HDAC9: variants seen among roughly 807,000 people sequenced by gnomAD.
The protein encoded by HDAC9 is MEF-2 interacting transcription repressor (MITR) protein.
HDAC9 carries 41 observed loss-of-function variants against 139.4 expected under a neutral mutation model. The ratio of observed to expected loss-of-function variants is 0.29; its 90% CI spans 0.23 to 0.38. The LOEUF (loss-of-function observed/expected upper bound fraction) is 0.38, where lower values mean the gene tolerates loss of function less well. HDAC9 is among the 10% of genes least tolerant of loss of function. HDAC9 has a pLI of 1.00. For missense variants in HDAC9, 1,147 were observed against 1,297.0 expected (o/e 0.88, Z 1.78); for synonymous variants, 517 against 476.2 (o/e 1.09, Z -1.12).
chr7:18,233,935 G>C (rs1256548171), intron 2 of HDAC9, among the ~76,000 whole-genome samples: 1 of 151,572 alleles, frequency 6.6e-6, no homozygotes, highest in South Asian at 2.1e-4. Flanking sequence ...TTTTTCTTAA[G>C]TTTGGTCTTC....
At chr7:18,313,065 C>A (rs1799417562) in intron 1 of HDAC9, among the ~76,000 whole-genome samples, 1 of 152,078 alleles carries the variant, frequency 6.6e-6, no homozygotes, top group African/African-American at 2.4e-5. Flanking sequence ...TTACCTATTC[C>A]TTTGTCCTAT....
At chr7:18,713,556 A>G (rs558243882) in intron 12 of HDAC9, among the ~76,000 whole-genome samples, 46 of 152,324 alleles carry the variant, frequency 3.0e-4, no homozygotes, top group South Asian at 1.4e-3. Context: ...TTTTCAAAAG[A>G]ATGGAGCCAT....
intron 13 of HDAC9, among the ~76,000 whole-genome samples, chr7:18,733,253 A>G (rs1786549092): frequency 6.9e-6 from 1 of 144,252 alleles, no homozygotes; most frequent in Admixed American, 6.9e-5. Context: ...ATATATGTAT[A>G]TAATGTATAT....
Position 18,966,451 on chromosome 7 carries a change from C to G in HDAC9, c.3023-9355C>G, listed in dbSNP as rs375355459. Among the ~76,000 whole-genome samples, 9 of 152,202 alleles carry G rather than the reference C, an allele frequency of 5.9e-5. 1 individual carries two copies. The East Asian group carries it at 1.7e-3, about 29-fold the overall frequency. On this transcript the variant is annotated intron_variant, in intron 24 of 25. Coordinates refer to ENST00000686413, the MANE Select transcript of HDAC9 (RefSeq NM_178425.4). Reference sequence around the variant, plus strand: ...GAGCCGGTGGCTCACGCCTGTAATCCTAGCACTTTGTGAGGCCGTGGCAGG... The same window carrying G: ...GAGCCGGTGGCTCACGCCTGTAATCGTAGCACTTTGTGAGGCCGTGGCAGG...
chr7:18,124,423 C>T (rs1260602785), intron 1 of HDAC9, among the ~76,000 whole-genome samples: 1 of 152,114 alleles, frequency 6.6e-6, no homozygotes, highest in Non-Finnish European at 1.5e-5. Context: ...TTTGTTTATT[C>T]CTCAGTTTAT....
chr7:18,875,913 C>G (rs1799287894), intron 22 of HDAC9, among the ~76,000 whole-genome samples: 1 of 152,068 alleles, frequency 6.6e-6, no homozygotes, highest in Admixed American at 6.6e-5. Context: ...TACAAAATAC[C>G]TAGCGAAGAA....
At chr7:18,263,058 GT>G (rs1795780638) in intron 2 of HDAC9, among the ~76,000 whole-genome samples, 1 of 152,136 alleles carries the variant, frequency 6.6e-6, no homozygotes, top group African/African-American at 2.4e-5. Flanking sequence ...AAAAGCAGAT[GT>G]TGAAAGAATG....
chr7:18,737,270 C>T lies in HDAC9; in HGVS notation c.1909+9513C>T, dbSNP rs146113674. 2.0e-4 allele frequency among the ~76,000 whole-genome samples: 30 copies of T among 151,940 alleles called. 1 individual carries two copies. Among genetic ancestry groups the T allele is most frequent in the Middle Eastern group, 3.4e-3 (1 of 294 alleles). The stretch of plus-strand genomic sequence containing the variant: ...CTGGTCTTAGTTATTTCTTGCTTTC[C>T]GCTAGCTTTTGAATTTGTTTGCTCT... On this transcript the variant is annotated intron_variant, in intron 13 of 25. Coordinates refer to ENST00000686413, the MANE Select transcript of HDAC9 (RefSeq NM_178425.4).
chr7:18,730,728 T>G (rs1390018216), intron 13 of HDAC9, among the ~76,000 whole-genome samples: 2 of 152,212 alleles, frequency 1.3e-5, no homozygotes, highest in Non-Finnish European at 2.9e-5. Context: ...ACAAATTTCT[T>G]TTTTCTTCAT....
At chr7:18,394,324 G>A (rs572575688) in intron 1 of HDAC9, among the ~76,000 whole-genome samples, 1 of 152,238 alleles carries the variant, frequency 6.6e-6, no homozygotes, top group East Asian at 1.9e-4. Flanking sequence ...GTTATTGCAG[G>A]TGGTGTGATT....
rs527396669 is a variant in HDAC9 at position 18,190,821 on chromosome 7, T to C, written c.25+28472T>C. On this transcript the variant is annotated intron_variant, in intron 2 of 12. Coordinates refer to the HDAC9 transcript ENST00000417496. ...ATTTTTTGCTTCTCAGAAATTTCTG[T>C]ATGTCCCAAATTCCTTTTAAATATT... Among the ~76,000 whole-genome samples the C allele has an allele frequency of 3.9e-5, 6 of 152,344 alleles. No individual in the cohort carries two copies. The South Asian group carries it at 1.2e-3, about 32-fold the overall frequency.
chr7:18,150,471 G>A (rs189035047), intron 1 of HDAC9, among the ~76,000 whole-genome samples: 4 of 152,262 alleles, frequency 2.6e-5, no homozygotes, highest in East Asian at 3.9e-4. Flanking sequence ...TATTATCTTC[G>A]TTGGCTAAGG....
chr7:18,301,031 G>T (rs1798505318), intron 1 of HDAC9, among the ~76,000 whole-genome samples: 2 of 151,976 alleles, frequency 1.3e-5, no homozygotes, highest in Non-Finnish European at 1.5e-5. Flanking sequence ...CTTCAAAACT[G>T]AAGTTAAGAA....
At chr7:18,362,700 A>G (rs918135888) in intron 1 of HDAC9, among the ~76,000 whole-genome samples, 3 of 152,192 alleles carry the variant, frequency 2.0e-5, no homozygotes, top group Non-Finnish European at 4.4e-5. Flanking sequence ...CTATTGAAAG[A>G]TAATCTGATA....
At chr7:18,620,264 AAT>A (rs1215873496) in intron 6 of HDAC9, among the ~76,000 whole-genome samples, 1 of 152,184 alleles carries the variant, frequency 6.6e-6, no homozygotes, top group African/African-American at 2.4e-5. Flanking sequence ...GTAATTAAAC[AAT>A]AGATCTAATT....
At chr7:18,362,249 C>T (rs568328279) in intron 1 of HDAC9, among the ~76,000 whole-genome samples, 1 of 152,174 alleles carries the variant, frequency 6.6e-6, no homozygotes, top group East Asian at 1.9e-4. Context: ...TTGCAGAGAT[C>T]GTAGGATTCT....
intron 17 of HDAC9, 79 bp downstream of exon 17, chr7:18,793,531 G>A: frequency 1.1e-6 from 1 of 932,422 alleles, no homozygotes; most frequent in Non-Finnish European, 1.7e-6. Flanking sequence ...GGAATTGCGG[G>A]GAGTGTGGCG....
intron 1 of HDAC9, among the ~76,000 whole-genome samples, chr7:18,159,589 T>C (rs1285841108): frequency 6.6e-6 from 1 of 152,162 alleles, no homozygotes; most frequent in African/African-American, 2.4e-5. Context: ...ATATAGCCTA[T>C]GATGTATGAA....
At chr7:18,472,368 A>T (rs773887822) in intron 1 of HDAC9, among the ~76,000 whole-genome samples, 46 of 152,110 alleles carry the variant, frequency 3.0e-4, no homozygotes, top group Non-Finnish European at 5.4e-4. Context: ...AAGCCATAGG[A>T]TAAGGATCCT....
Sources: allele counts gnomAD v4.1 joint callset (sites outside exome capture counted in the v4.1 genomes callset), GRCh38; gene constraint gnomAD v4.1.1; transcripts MANE v1.5; gene names NCBI Gene and HGNC (gene_info 2026-07-23, HGNC 2026-07-21).